Variants in ADAM9 observed in about 807,000 individuals in gnomAD.
ADAM9 encodes disintegrin and metalloproteinase domain-containing protein 9.
Under a neutral mutation model 108.1 loss-of-function variants are expected in ADAM9, and 54 were observed. The ratio of observed to expected loss-of-function variants is 0.50; its 90% CI spans 0.40 to 0.63. The LOEUF (loss-of-function observed/expected upper bound fraction) is 0.63. Among genes scored for constraint, ADAM9 ranks in the 20% least tolerant of loss-of-function variants. The probability of loss-of-function intolerance (pLI) is 0.00; values close to 1 mark genes in which losing one functional copy is unlikely to be tolerated. For synonymous variants in ADAM9, 316 were observed against 336.0 expected (o/e 0.94, Z 0.65); for missense variants, 830 against 997.7 (o/e 0.83, Z 2.26).
At chr8:39,054,431 ATTC>A (rs1237192407) in intron 12 of ADAM9, 47 bp from the exon 13 acceptor site, 2 of 1,475,114 alleles carry the variant, frequency 1.4e-6, no homozygotes, top group Non-Finnish European at 1.9e-6. Flanking sequence ...ATTAATGAGT[ATTC>A]ATGTCAATTA....
At position 39,026,826 on chromosome 8, in the gene ADAM9, C is replaced by G. The variant is rs1564264572; in HGVS notation, c.1130+16C>G. 1.2e-6 allele frequency: 2 copies of G among 1,603,014 alleles called. No individual in the cohort carries two copies. The highest frequency in any genetic ancestry group is 1.1e-5 in the South Asian group (1 of 90,686). ...CAGGAGCATCGTGAGTACCTGGGTT[C>G]TTCTTCTCCTTTATTTGGTATTGTA... On this transcript the variant is annotated intron_variant, in intron 11 of 21. Transcript: ENST00000487273.
chr8:39,091,145 C>A, intron 19 of ADAM9, 114 bp from the exon 20 acceptor site: 1 of 968,072 alleles, frequency 1.0e-6, no homozygotes. Flanking sequence ...TGATTATCAT[C>A]CCCACCACTA....
intron 19 of ADAM9, among the ~76,000 whole-genome samples, 157 bp downstream of exon 19, chr8:39,090,345 A>AT (rs1392026009): frequency 1.3e-5 from 2 of 151,992 alleles, no homozygotes; most frequent in East Asian, 1.9e-4. Context: ...TAATTTTTAT[A>AT]TTTTTTTGTA....
intron 11 of ADAM9, among the ~76,000 whole-genome samples, chr8:39,036,616 A>G (rs959706225): frequency 1.3e-5 from 2 of 152,192 alleles, no homozygotes; most frequent in African/African-American, 4.8e-5. Flanking sequence ...TAGAGGTGAT[A>G]GAGAGTAGAA....
At chr8:39,030,354 T>C (rs1257059754) in intron 11 of ADAM9, among the ~76,000 whole-genome samples, 1 of 152,230 alleles carries the variant, frequency 6.6e-6, no homozygotes, top group Non-Finnish European at 1.5e-5. Flanking sequence ...TCATGCAGTA[T>C]GTTGCCTTTT....
chr8:39,080,652 GA>G (rs1838992073), intron 16 of ADAM9, among the ~76,000 whole-genome samples: 4 of 152,186 alleles, frequency 2.6e-5, no homozygotes, highest in Admixed American at 2.6e-4. Flanking sequence ...TGAGCAGACT[GA>G]CAACTTGGTA....
chr8:39,023,050 T>A, intron 8 of ADAM9, 106 bp from the exon 9 acceptor site: 2 of 1,017,082 alleles, frequency 2.0e-6, no homozygotes, highest in Non-Finnish European at 2.9e-6. Context: ...TAGTTTTTTT[T>A]AGGCAGGGGA....
chr8:39,008,074 A>G (rs1836221958), intron 2 of ADAM9, 91 bp downstream of exon 2: 4 of 936,198 alleles, frequency 4.3e-6, no homozygotes, highest in Non-Finnish European at 6.7e-6. Flanking sequence ...TGATCAGTTC[A>G]GTGAGTTATT....
chr8:39,049,100 T>C (rs987289899), intron 12 of ADAM9, among the ~76,000 whole-genome samples: 1 of 151,890 alleles, frequency 6.6e-6, no homozygotes, highest in Non-Finnish European at 1.5e-5. Flanking sequence ...AAGGATTTAC[T>C]GTGATTGTTT....
chr8:39,090,516 A>T (rs1839319184), intron 19 of ADAM9, among the ~76,000 whole-genome samples: 1 of 152,200 alleles, frequency 6.6e-6, no homozygotes, highest in Admixed American at 6.5e-5. Context: ...ATATCACCAG[A>T]GATTGGTAAT....
At chr8:39,054,237 G>A (rs1838043335) in intron 12 of ADAM9, among the ~76,000 whole-genome samples, 1 of 152,074 alleles carries the variant, frequency 6.6e-6, no homozygotes, top group African/African-American at 2.4e-5. Flanking sequence ...TTTTGTTATG[G>A]CATTCTGAGC....
chr8:39,023,016 A>G, intron 8 of ADAM9, 140 bp from the exon 9 acceptor site: 1 of 760,410 alleles, frequency 1.3e-6, no homozygotes, highest in Non-Finnish European at 2.1e-6. Context: ...CCCCGCCCAA[A>G]GTCTCATTGT....
At chr8:39,086,748 ATGTT>A (rs1165536751) in intron 18 of ADAM9, among the ~76,000 whole-genome samples, 2 of 152,152 alleles carry the variant, frequency 1.3e-5, no homozygotes, top group Non-Finnish European at 2.9e-5. Flanking sequence ...TTGTACTAGT[ATGTT>A]TGAGTTACGT....
intron 8 of ADAM9, among the ~76,000 whole-genome samples, chr8:39,022,097 T>A (rs6988029): frequency 0.014 from 1,915 of 136,156 alleles, 29 homozygotes; most frequent in East Asian, 0.038. Flanking sequence ...TGTGTGTGTG[T>A]GAGAGAGAGA....
rs143458067 is a variant in ADAM9, at chr8:39,066,067, C to T, written c.1592-5231C>T. Among the ~76,000 whole-genome samples, 768 of 152,290 alleles carry T rather than the reference C, an allele frequency of 5.0e-3. 5 individuals are homozygous for T. Among genetic ancestry groups the T allele is most frequent in the Non-Finnish European group, 9.1e-3 (618 of 68,020 alleles). Reference sequence around the variant, plus strand: ...GTTTCCAGCTTCATCCATGTCCCTACGAAGGACATGAACTCATCCTTTTTC... The same window carrying T: ...GTTTCCAGCTTCATCCATGTCCCTATGAAGGACATGAACTCATCCTTTTTC... On this transcript the variant is annotated intron_variant, in intron 14 of 21. Transcript: ENST00000487273.
At chr8:39,034,396 C>T (rs1837202922) in intron 11 of ADAM9, among the ~76,000 whole-genome samples, 1 of 152,144 alleles carries the variant, frequency 6.6e-6, no homozygotes, top group African/African-American at 2.4e-5. Flanking sequence ...TTTCTTGACT[C>T]ATATAGCTGT....
Position 39,104,696 on chromosome 8 carries a change from A to C in ADAM9, c.*996A>C, listed in dbSNP as rs746663593. 1 of 453,860 alleles carries C rather than the reference A, an allele frequency of 2.2e-6. No homozygotes were observed. The highest frequency in any genetic ancestry group is 4.4e-6 in the Non-Finnish European group (1 of 226,648). 28.1% of individuals were successfully genotyped at this position (453,860 alleles called of 1,614,324 possible). Reference sequence around the variant, plus strand: ...GGGTCATGTAAAATATTAGACACTAATATTTTCATAGAAATTAGGCTGGAG... The same window carrying C: ...GGGTCATGTAAAATATTAGACACTACTATTTTCATAGAAATTAGGCTGGAG... On this transcript the variant is annotated 3_prime_UTR_variant, in exon 22 of 22. Coordinates refer to ENST00000487273, the MANE Select transcript of ADAM9 (RefSeq NM_003816.3).
chr8:39,067,153 G>A (rs1397574779), intron 14 of ADAM9, among the ~76,000 whole-genome samples: 9 of 152,088 alleles, frequency 5.9e-5, no homozygotes, highest in Admixed American at 2.6e-4. Context: ...TGGTTACTGT[G>A]GCCTTGTAGT....
chr8:39,014,738 C>G, intron 4 of ADAM9: 1 of 529,678 alleles, frequency 1.9e-6, no homozygotes, highest in Non-Finnish European at 3.3e-6. Context: ...TATTTTTCTT[C>G]TGAACTTTGT....
Sources: gnomAD v4.1 joint callset for allele counts (sites outside exome capture counted in the v4.1 genomes callset) on GRCh38, gnomAD v4.1.1 for gene constraint, MANE v1.5 for transcripts, NCBI Gene and HGNC (gene_info 2026-07-23, HGNC 2026-07-21) for gene names.